The following RIMKLB variants were observed in gnomAD, a reference collection of about 807,000 sequenced individuals.
RIMKLB encodes the protein beta-citrylglutamate synthase B.
In RIMKLB, 7 loss-of-function variants were observed where a neutral mutation model predicts 32.0. The observed-to-expected ratio is 0.22, with a 90% CI of 0.12 to 0.41. RIMKLB has a LOEUF of 0.41. Among genes scored for constraint, RIMKLB ranks in the 10% least tolerant of loss-of-function variants. The pLI, the probability that RIMKLB is intolerant of heterozygous loss-of-function variation, is 1.00. For missense variants in RIMKLB, 289 were observed against 498.7 expected (o/e 0.58, Z 4.00); for synonymous variants, 172 against 185.1 (o/e 0.93, Z 0.57).
chr12:8,773,207 A>G, intron 5 of RIMKLB, 114 bp from the exon 6 acceptor site: 1 of 718,902 alleles, frequency 1.4e-6, no homozygotes, highest in Non-Finnish European at 2.4e-6. Flanking sequence ...CACTAGAATA[A>G]CGCCTTTGTT....
intron 5 of RIMKLB, among the ~76,000 whole-genome samples, chr12:8,756,880 TG>T (rs1949083448): frequency 6.6e-6 from 1 of 151,802 alleles, no homozygotes; most frequent in African/African-American, 2.4e-5. Flanking sequence ...TTAGTAGAGA[TG>T]GGGTTTCACC....
At chr12:8,766,325 C>T (rs1005396800) in intron 5 of RIMKLB, among the ~76,000 whole-genome samples, 3 of 152,144 alleles carry the variant, frequency 2.0e-5, no homozygotes, top group Non-Finnish European at 2.9e-5. Flanking sequence ...GGTCCGGCTG[C>T]TGGATTCTAG....
chr12:8,748,588 C>A (rs1948348089), intron 2 of RIMKLB, among the ~76,000 whole-genome samples: 1 of 141,302 alleles, frequency 7.1e-6, no homozygotes, highest in African/African-American at 2.6e-5. Context: ...AATTTATATT[C>A]ATACACAATT....
At position 8,752,031 on chromosome 12, in the gene RIMKLB, CG is replaced by C. The variant is rs1948658531; in HGVS notation, c.485del (p.Gly162ValfsTer19). ...LEFPMVVKNTRGHRGKAVFLA... is the reference protein window; with the variant it reads ...LEFPMVVKNTXGHRGKAVFLA... Reference sequence around the variant, plus strand: ...GTTCCCAATGGTAGTAAAGAATACGCGGGGTCACAGAGGTATGTATGAGTTG... The same window carrying C: ...GTTCCCAATGGTAGTAAAGAATACGCGGGTCACAGAGGTATGTATGAGTTG... On this transcript the variant is annotated frameshift_variant, in exon 4 of 6. Transcript: ENST00000535829. LOFTEE classifies it high-confidence loss of function. The C allele has an allele frequency of 6.2e-7, 1 of 1,606,740 alleles. No individual in the cohort carries two copies. Among genetic ancestry groups the C allele is most frequent in the Non-Finnish European group, 8.5e-7 (1 of 1,173,682 alleles).
At chr12:8,778,549 A>G (rs1199802073), downstream of RIMKLB, among the ~76,000 whole-genome samples, 1 of 152,232 alleles carries the variant, frequency 6.6e-6, no homozygotes, top group African/African-American at 2.4e-5. Flanking sequence ...GGCTAAGCAC[A>G]TTAACCAAGG....
intron 2 of RIMKLB, among the ~76,000 whole-genome samples, chr12:8,746,598 C>CAAA (rs1185862870): frequency 1.8e-4 from 10 of 54,958 alleles, no homozygotes; most frequent in East Asian, 5.0e-4. Flanking sequence ...GACTCTGTCT[C>CAAA]AAAAAAAAAA....
At chr12:8,741,121 G>A (rs1198283337) in intron 2 of RIMKLB, among the ~76,000 whole-genome samples, 1 of 152,112 alleles carries the variant, frequency 6.6e-6, no homozygotes, top group African/African-American at 2.4e-5. Flanking sequence ...CAGAAGAATT[G>A]CTTGAACCCG....
intron 1 of RIMKLB, among the ~76,000 whole-genome samples, chr12:8,703,994 G>A (rs898884772): frequency 6.6e-6 from 1 of 152,180 alleles, no homozygotes; most frequent in Admixed American, 6.5e-5. Flanking sequence ...GTCTACTATT[G>A]TGATATCTTG....
At chr12:8,777,465 C>T, downstream of RIMKLB, 1 of 1,110,934 alleles carries the variant, frequency 9.0e-7, no homozygotes, top group Non-Finnish European at 1.1e-6. Context: ...GGCTGCCTAA[C>T]TCTAGTGAAA....
intron 2 of RIMKLB, among the ~76,000 whole-genome samples, chr12:8,748,438 T>C (rs1339475272): frequency 6.6e-6 from 1 of 151,824 alleles, no homozygotes; most frequent in Non-Finnish European, 1.5e-5. Context: ...GTATATATAG[T>C]TCTTACAGTT....
In RIMKLB at chr12:8,776,162, T is replaced by A. The variant is rs1174542700; in HGVS notation, c.*2378T>A. 14 of 984,384 alleles carry A rather than the reference T, an allele frequency of 1.4e-5. No individual in the cohort carries two copies. Among genetic ancestry groups the A allele is most frequent in the Non-Finnish European group, 1.4e-5 (12 of 829,086 alleles). The allele number at this position is 984,384 out of a possible 1,614,324, so 61.0% of individuals were successfully genotyped here. ...AAGGCATCAGGAAAAATGTAGTTAG[T>A]CTTTTCTTAACTTATACCAAATTAA... On this transcript the variant is annotated 3_prime_UTR_variant, in exon 6 of 6. Coordinates refer to ENST00000535829, the MANE Select transcript of RIMKLB (RefSeq NM_001297776.2).
At position 8,698,210 on chromosome 12, in the gene RIMKLB, A is replaced by G; in HGVS notation, c.-144A>G. 1 of 350,970 alleles carries G rather than the reference A, an allele frequency of 2.8e-6. No homozygotes were observed. Among genetic ancestry groups the G allele is most frequent in the Non-Finnish European group, 5.8e-6 (1 of 172,398 alleles). 21.7% of individuals were successfully genotyped at this position (350,970 alleles called of 1,614,324 possible). A position where few individuals can be genotyped will look rare whatever the true frequency, so the allele number is the denominator to read the frequency against. ...CCCCTCCCCCTCCTCTCCTTCCCCC[A>G]CTTCCAGCCGCCCGGCGGCCCGCGC... On this transcript the variant is annotated 5_prime_UTR_variant, in exon 1 of 6. Transcript: ENST00000535829.
chr12:8,760,657 C>T (rs1050839629), intron 5 of RIMKLB, among the ~76,000 whole-genome samples: 1 of 143,276 alleles, frequency 7.0e-6, no homozygotes, highest in Non-Finnish European at 1.6e-5. Context: ...GAGATGGTAT[C>T]TTATTGTGGT....
chr12:8,751,872 T>C, intron 3 of RIMKLB, 85 bp from the exon 4 acceptor site: 2 of 843,316 alleles, frequency 2.4e-6, no homozygotes, highest in Admixed American at 4.0e-5. Context: ...TTCCTTGTGC[T>C]GTTGGTTGTC....
chr12:8,695,054 AG>A (rs1425855431), upstream of RIMKLB, among the ~76,000 whole-genome samples: 4 of 152,170 alleles, frequency 2.6e-5, no homozygotes, highest in African/African-American at 9.7e-5. Context: ...GAGAAAACTG[AG>A]GTTTATGGAA....
intron 5 of RIMKLB, among the ~76,000 whole-genome samples, chr12:8,759,751 A>T (rs1451416645): frequency 6.6e-6 from 1 of 152,192 alleles, no homozygotes; most frequent in East Asian, 1.9e-4. Context: ...ACTGCTTTAG[A>T]ACCTCCAGTA....
At chr12:8,693,401 C>CTT (rs397849959), upstream of RIMKLB, among the ~76,000 whole-genome samples, 106 of 141,116 alleles carry the variant, frequency 7.5e-4, no homozygotes, top group African/African-American at 7.9e-4. Context: ...TTCTTTCTTT[C>CTT]TTTTTTTTTT....
At chr12:8,707,512 A>G (rs1280849215) in intron 1 of RIMKLB, among the ~76,000 whole-genome samples, 1 of 152,152 alleles carries the variant, frequency 6.6e-6, no homozygotes. Context: ...TTTGAGCCCA[A>G]TCCTTTTGGG....
At position 8,754,165 on chromosome 12, in the gene RIMKLB, A is replaced by G. The variant is rs59750351; in HGVS notation, c.697+72A>G. 19,676 of 1,136,230 alleles carry G rather than the reference A, an allele frequency of 0.017. 1,771 individuals carry two copies. In the African/African-American group the frequency reaches 0.22, roughly 13 times the overall value. The allele number at this position is 1,136,230 out of a possible 1,614,324, so 70.4% of individuals were successfully genotyped here. On this transcript the variant is annotated intron_variant, in intron 5 of 5. Coordinates refer to ENST00000535829, the MANE Select transcript of RIMKLB (RefSeq NM_001297776.2). ...AATTGTCCAGTGAGTATTCATATGT[A>G]TGTAACTCTAGACCTTCTTAATAAG... is the stretch of plus-strand genomic sequence containing the variant.
Sources: gnomAD v4.1 joint callset for allele counts (sites outside exome capture counted in the v4.1 genomes callset) on GRCh38, gnomAD v4.1.1 for gene constraint, MANE v1.5 for transcripts, NCBI Gene and HGNC (gene_info 2026-07-23, HGNC 2026-07-21) for gene names.